ADAMTSL1: variants seen among roughly 807,000 people sequenced by gnomAD.
ADAMTSL1 encodes ADAMTS-like protein 1.
Under a neutral mutation model 201.8 loss-of-function variants are expected in ADAMTSL1, and 126 were observed. That is an observed-to-expected ratio of 0.62 (90% confidence interval 0.54 to 0.72). The LOEUF is 0.72. ADAMTSL1 is among the 30% of genes least tolerant of loss of function. The pLI is 0.00. For synonymous variants in ADAMTSL1, 1,121 were observed against 903.4 expected (o/e 1.24, Z -4.32); for missense variants, 2,679 against 2,277.8 (o/e 1.18, Z -3.59).
At chr9:18,601,113 G>A (rs10756980) in intron 4 of ADAMTSL1, among the ~76,000 whole-genome samples, 85,610 of 151,950 alleles carry the variant, frequency 0.56, 24,268 homozygotes, top group East Asian at 0.69. Context: ...TTTCCTAATA[G>A]AGTTTCCTTC....
intron 4 of ADAMTSL1, chr9:18,574,581 G>C: frequency 2.3e-6 from 1 of 439,698 alleles, no homozygotes; most frequent in Non-Finnish European, 3.8e-6. Context: ...TATTCCTGAA[G>C]TGTGTGTTTG....
At chr9:18,440,565 CT>C (rs1819952216) in intron 2 of ADAMTSL1, among the ~76,000 whole-genome samples, 1 of 150,944 alleles carries the variant, frequency 6.6e-6, no homozygotes, top group African/African-American at 2.4e-5. Flanking sequence ...AAAAACAACA[CT>C]TTATTTTAGT....
At chr9:18,621,370 G>C (rs926648442) in intron 4 of ADAMTSL1, among the ~76,000 whole-genome samples, 11 of 152,140 alleles carry the variant, frequency 7.2e-5, no homozygotes, top group African/African-American at 2.7e-4. Flanking sequence ...GAACTCAGCT[G>C]CTTATTAGCT....
At chr9:18,715,655 T>C (rs1587967113) in intron 14 of ADAMTSL1, among the ~76,000 whole-genome samples, 1 of 152,180 alleles carries the variant, frequency 6.6e-6, no homozygotes, top group Admixed American at 6.5e-5. Context: ...AAAATGGCCA[T>C]ACTGCCCAAG....
At chr9:17,974,250 A>C (rs1818345840) in intron 1 of ADAMTSL1, among the ~76,000 whole-genome samples, 2 of 152,044 alleles carry the variant, frequency 1.3e-5, no homozygotes, top group Admixed American at 1.3e-4. Context: ...GGCCAGGGCA[A>C]TCAGGCAGGA....
intron 2 of ADAMTSL1, among the ~76,000 whole-genome samples, chr9:18,359,733 T>A (rs990674227): frequency 6.6e-6 from 1 of 152,058 alleles, no homozygotes; most frequent in South Asian, 2.1e-4. Flanking sequence ...TGATTCATAT[T>A]ATTTTTAACT....
chr9:18,736,400 A>T (rs1364812063), intron 15 of ADAMTSL1, among the ~76,000 whole-genome samples: 1 of 152,212 alleles, frequency 6.6e-6, no homozygotes, highest in Non-Finnish European at 1.5e-5. Flanking sequence ...GGCACATCCC[A>T]GGCACACCTA....
intron 2 of ADAMTSL1, among the ~76,000 whole-genome samples, chr9:18,227,553 C>T (rs1385865636): frequency 6.6e-6 from 1 of 152,166 alleles, no homozygotes; most frequent in East Asian, 1.9e-4. Flanking sequence ...AGCTTACATA[C>T]ATCTAGGCCC....
At chr9:18,178,969 C>A (rs1406419607) in intron 2 of ADAMTSL1, among the ~76,000 whole-genome samples, 1 of 151,630 alleles carries the variant, frequency 6.6e-6, no homozygotes, top group Non-Finnish European at 1.5e-5. Context: ...AAGCAGAGCG[C>A]CTCTCCTCCT....
chr9:18,156,231 C>A (rs898686851), intron 1 of ADAMTSL1, among the ~76,000 whole-genome samples: 25 of 151,934 alleles, frequency 1.6e-4, no homozygotes, highest in Admixed American at 5.9e-4. Flanking sequence ...CTAGGGCCAT[C>A]TTTTGGTTAA....
At chr9:17,928,465 C>T (rs144289087) in intron 1 of ADAMTSL1, among the ~76,000 whole-genome samples, 7 of 152,316 alleles carry the variant, frequency 4.6e-5, no homozygotes, top group African/African-American at 1.7e-4. Flanking sequence ...CCTCTGACTT[C>T]TTCCACCTTT....
Position 18,681,775 on chromosome 9 carries a change from G to C in ADAMTSL1, c.1342-37G>C, listed in dbSNP as rs757709523. The C allele has an allele frequency of 4.7e-6, 7 of 1,497,122 alleles. No homozygotes were observed. The African/African-American group carries it at 1.0e-4, about 22-fold the overall frequency. The allele number at this position is 1,497,122 out of a possible 1,614,324, so 92.7% of individuals were successfully genotyped here. ...AGTGAAGAAAAGTAAACAAGGCTTT[G>C]CCTACGAGTCTCCTCTCTCTTGCAA... On this transcript the variant is annotated intron_variant, in intron 11 of 28. Transcript: ENST00000380548.
At chr9:18,764,891 A>C (rs982587339) in intron 16 of ADAMTSL1, among the ~76,000 whole-genome samples, 1 of 152,192 alleles carries the variant, frequency 6.6e-6, no homozygotes, top group Admixed American at 6.5e-5. Context: ...ATACTGTTGG[A>C]GGTCTGTGCC....
intron 1 of ADAMTSL1, among the ~76,000 whole-genome samples, chr9:18,475,262 CAAGGTAA>C (rs1821393050): frequency 6.6e-6 from 1 of 152,072 alleles, no homozygotes; most frequent in African/African-American, 2.4e-5. Flanking sequence ...AGGAAGAGAA[CAAGGTAA>C]AAATGTAGCA....
At chr9:17,922,958 C>A (rs1826368340) in intron 1 of ADAMTSL1, among the ~76,000 whole-genome samples, 1 of 152,142 alleles carries the variant, frequency 6.6e-6, no homozygotes, top group Non-Finnish European at 1.5e-5. Context: ...GTGTAACCTG[C>A]TGGAACACAG....
chr9:17,978,268 A>G (rs933701273), intron 1 of ADAMTSL1, among the ~76,000 whole-genome samples: 6 of 152,060 alleles, frequency 3.9e-5, no homozygotes, highest in Non-Finnish European at 2.9e-5. Context: ...TTTGGTTGGA[A>G]AATTTAATCG....
intron 3 of ADAMTSL1, among the ~76,000 whole-genome samples, chr9:18,549,266 A>G (rs1043664957): frequency 1.3e-5 from 2 of 152,048 alleles, no homozygotes; most frequent in African/African-American, 4.8e-5. Context: ...TGAAACTTAG[A>G]CTAAAGGCTG....
intron 1 of ADAMTSL1, among the ~76,000 whole-genome samples, chr9:18,058,808 C>T (rs925141131): frequency 6.6e-6 from 1 of 152,174 alleles, no homozygotes; most frequent in African/African-American, 2.4e-5. Context: ...ATGTTTGCCT[C>T]TCATAAATCT....
At chr9:18,598,178 T>G (rs1051142152) in intron 4 of ADAMTSL1, among the ~76,000 whole-genome samples, 3 of 152,158 alleles carry the variant, frequency 2.0e-5, no homozygotes, top group Admixed American at 6.5e-5. Context: ...TAATCGCAAA[T>G]CAGTACCTTT....
Sources: gnomAD v4.1 joint callset for allele counts (sites outside exome capture counted in the v4.1 genomes callset) on GRCh38, gnomAD v4.1.1 for gene constraint, MANE v1.5 for transcripts, NCBI Gene and HGNC (gene_info 2026-07-23, HGNC 2026-07-21) for gene names.